The following CDK14 variants were observed in gnomAD, a reference collection of about 807,000 sequenced individuals.
CDK14 encodes the protein cyclin dependent kinase 14.
In CDK14, 34 loss-of-function variants were observed where a neutral mutation model predicts 60.7. That is an observed-to-expected ratio of 0.56 (90% confidence interval 0.43 to 0.75). The LOEUF is 0.75. CDK14 is among the 30% of genes least tolerant of loss of function. CDK14 has a pLI of 0.00. For synonymous variants in CDK14, 197 were observed against 203.7 expected, an observed-to-expected ratio of 0.97 and a Z score of 0.28; for missense variants, 482 against 564.1, an observed-to-expected ratio of 0.85 and a Z score of 1.47.
intron 2 of CDK14, among the ~76,000 whole-genome samples, chr7:90,606,876 C>T (rs1212595424): frequency 1.3e-5 from 2 of 152,106 alleles, no homozygotes; most frequent in Non-Finnish European, 2.9e-5. Context: ...TTTAACTTAC[C>T]CCGGCCATGA....
At chr7:91,083,230 C>G (rs532089709) in intron 12 of CDK14, among the ~76,000 whole-genome samples, 3 of 152,002 alleles carry the variant, frequency 2.0e-5, no homozygotes, top group Admixed American at 2.0e-4. Context: ...CTATACATCA[C>G]TATTAAATGT....
intron 8 of CDK14, 122 bp downstream of exon 8, chr7:90,917,846 T>C: frequency 1.0e-6 from 1 of 992,296 alleles, no homozygotes; most frequent in African/African-American, 1.6e-5. Context: ...ATTTTTTTTT[T>C]CTGAAATGAA....
chr7:90,917,281 C>T (rs914059695), intron 7 of CDK14, among the ~76,000 whole-genome samples: 2 of 151,842 alleles, frequency 1.3e-5, no homozygotes, highest in African/African-American at 4.8e-5. Context: ...TCATTTTAGT[C>T]CTGAAGACTA....
At chr7:90,909,143 G>C (rs928017422) in intron 7 of CDK14, among the ~76,000 whole-genome samples, 4 of 152,194 alleles carry the variant, frequency 2.6e-5, no homozygotes, top group Non-Finnish European at 4.4e-5. Flanking sequence ...AAGACCTACT[G>C]ACTCTCCATT....
At chr7:90,789,970 T>A (rs768884673) in intron 4 of CDK14, among the ~76,000 whole-genome samples, 45 of 152,054 alleles carry the variant, frequency 3.0e-4, no homozygotes, top group Non-Finnish European at 5.7e-4. Context: ...AGGTCTTGTG[T>A]AATCTTGTAA....
chr7:91,198,260 G>C lies in CDK14; in HGVS notation c.*29-8905G>C, dbSNP rs529775482. On this transcript the variant is annotated intron_variant, in intron 14 of 14. Transcript: ENST00000380050. ...GTAAAAGTTGCAGGGCTTTTGTGGT[G>C]GGGGGGAAATAAGGTAAAGGGTAGT... is the stretch of plus-strand genomic sequence containing the variant. 2.4e-4 allele frequency among the ~76,000 whole-genome samples: 36 copies of C among 152,182 alleles called. No individual in the cohort carries two copies. In the South Asian group the frequency reaches 7.1e-3, roughly 30 times the overall value.
At chr7:90,925,655 A>G (rs1171964001) in intron 8 of CDK14, among the ~76,000 whole-genome samples, 1 of 152,248 alleles carries the variant, frequency 6.6e-6, no homozygotes, top group Non-Finnish European at 1.5e-5. Context: ...TGAGGCTGGG[A>G]GTCCAAGTCT....
intron 14 of CDK14, among the ~76,000 whole-genome samples, chr7:91,127,927 C>G (rs2116413982): frequency 6.6e-6 from 1 of 152,252 alleles, no homozygotes; most frequent in Admixed American, 6.5e-5. Context: ...TACAATGTAT[C>G]AAATGAGCTT....
chr7:91,083,446 G>A (rs533909305), intron 12 of CDK14, among the ~76,000 whole-genome samples: 1 of 152,214 alleles, frequency 6.6e-6, no homozygotes, highest in African/African-American at 2.4e-5. Context: ...TCAATATGCA[G>A]ACAGTCCAAT....
intron 2 of CDK14, chr7:90,710,447 A>G: frequency 1.0e-6 from 1 of 985,160 alleles, no homozygotes; most frequent in Non-Finnish European, 1.2e-6. Context: ...GGATCTGAGT[A>G]GAATAAATAT....
chr7:90,877,558 A>G (rs1360744418), intron 6 of CDK14, among the ~76,000 whole-genome samples: 1 of 152,132 alleles, frequency 6.6e-6, no homozygotes, highest in African/African-American at 2.4e-5. Flanking sequence ...AGCCCTTGTT[A>G]GGGACATTTG....
intron 5 of CDK14, among the ~76,000 whole-genome samples, chr7:90,836,889 A>C (rs73709904): frequency 0.03 from 4,574 of 152,308 alleles, 82 homozygotes; most frequent in African/African-American, 0.057. Context: ...ACAGTACATC[A>C]TTGACCAAAA....
At chr7:91,094,541 C>T (rs1282995262) in intron 12 of CDK14, among the ~76,000 whole-genome samples, 1 of 152,164 alleles carries the variant, frequency 6.6e-6, no homozygotes. Context: ...GAAAACAACT[C>T]TCAAATTGTT....
At chr7:90,951,372 C>T (rs1584159295) in intron 8 of CDK14, among the ~76,000 whole-genome samples, 2 of 152,182 alleles carry the variant, frequency 1.3e-5, no homozygotes, top group East Asian at 3.9e-4. Context: ...GGCCCATTTT[C>T]TGGAATGACT....
chr7:91,034,499 CTG>C lies in CDK14; in HGVS notation c.1042-11388_1042-11387del, dbSNP rs35156378. Among the ~76,000 whole-genome samples, 155 of 152,150 alleles carry C rather than the reference CTG, an allele frequency of 1.0e-3. No individual in the cohort carries two copies. In the Middle Eastern group the frequency reaches 0.014, roughly 13 times the overall value. ...TTAAAAACCCCTAAGAGCTGTTTTT[CTG>C]TGTGTGTGTTGCTTCCTATATAAAC... is the stretch of plus-strand genomic sequence containing the variant. On this transcript the variant is annotated intron_variant, in intron 10 of 14. Transcript: ENST00000380050.
chr7:90,821,743 G>A (rs1250092285), intron 5 of CDK14, among the ~76,000 whole-genome samples: 3 of 152,188 alleles, frequency 2.0e-5, no homozygotes. Flanking sequence ...GCTTTATCAA[G>A]GTAAATGTTA....
In CDK14 at chr7:90,895,334, TCC is replaced by T. The variant is rs1458238127; in HGVS notation, c.640-3956_640-3955del. Among the ~76,000 whole-genome samples the T allele has an allele frequency of 2.9e-4, 12 of 41,336 alleles. 1 individual carries two copies. The highest frequency in any genetic ancestry group is 4.0e-4 in the Non-Finnish European group (6 of 14,888). The allele number at this position is 41,336 out of a possible 152,430, so 27.1% of individuals were successfully genotyped here. A position where few individuals can be genotyped will look rare whatever the true frequency, so the allele number is the denominator to read the frequency against. On this transcript the variant is annotated intron_variant, in intron 6 of 14. Transcript: ENST00000380050. The stretch of plus-strand genomic sequence containing the variant: ...TCCTCTTCTTTCCTCTCCTTTCCTC[TCC>T]TCTCCTCTCCTCTCCTCTCCTCACC...
At chr7:90,659,875 C>CTGTG (rs149308809) in intron 2 of CDK14, among the ~76,000 whole-genome samples, 199 of 129,032 alleles carry the variant, frequency 1.5e-3, no homozygotes, top group Non-Finnish European at 2.5e-3. Context: ...CTCTCTCTCT[C>CTGTG]TGTGTGTGTG....
chr7:90,919,345 G>A (rs868441746), intron 8 of CDK14, among the ~76,000 whole-genome samples: 1 of 151,946 alleles, frequency 6.6e-6, no homozygotes, highest in East Asian at 1.9e-4. Flanking sequence ...GCTTACTAGG[G>A]ATTCTTTTTA....
Sources: allele counts gnomAD v4.1 joint callset (sites outside exome capture counted in the v4.1 genomes callset), GRCh38; gene constraint gnomAD v4.1.1; transcripts MANE v1.5; gene names NCBI Gene and HGNC (gene_info 2026-07-23, HGNC 2026-07-21).